HIVEP3: variants seen among roughly 807,000 people sequenced by gnomAD.
HIVEP3 encodes HIVEP zinc finger 3.
HIVEP3 carries 49 observed loss-of-function variants against 152.8 expected under a neutral mutation model. The ratio of observed to expected loss-of-function variants is 0.32; its 90% CI spans 0.26 to 0.41. The LOEUF (loss-of-function observed/expected upper bound fraction) is 0.41. HIVEP3 is among the 10% of genes least tolerant of loss of function. HIVEP3 has a pLI of 1.00. For synonymous variants in HIVEP3, 1,269 were observed against 1,289.0 expected, an observed-to-expected ratio of 0.98 and a Z score of 0.33; for missense variants, 2,790 against 3,103.3, an observed-to-expected ratio of 0.90 and a Z score of 2.40.
intron 1 of HIVEP3, among the ~76,000 whole-genome samples, chr1:41,924,472 G>A (rs1241413340): frequency 6.6e-6 from 1 of 152,066 alleles, no homozygotes; most frequent in Non-Finnish European, 1.5e-5. Context: ...TATGTACCTG[G>A]TGCTGCTAAA....
At chr1:41,793,564 C>A (rs1403351586) in intron 1 of HIVEP3, among the ~76,000 whole-genome samples, 20 of 152,128 alleles carry the variant, frequency 1.3e-4, no homozygotes. Context: ...TTCATTAATT[C>A]ATTCACAAAA....
chr1:41,898,369 C>T (rs1205491885), intron 1 of HIVEP3, among the ~76,000 whole-genome samples: 1 of 152,210 alleles, frequency 6.6e-6, no homozygotes, highest in Non-Finnish European at 1.5e-5. Flanking sequence ...AATCCAGTCT[C>T]AGAAGAACTG....
Position 41,513,757 on chromosome 1 carries a change from G to A in HIVEP3, c.5471-7C>T, listed in dbSNP as rs771586004. On this transcript the variant is annotated splice_polypyrimidine_tract_variant and splice_region_variant and intron_variant, in intron 7 of 8. Coordinates refer to ENST00000372583, the MANE Select transcript of HIVEP3 (RefSeq NM_024503.5). ...AACAGGTCGTCACTGGTTCCTGAGG[G>A]CAAACACAGAAGACCCAAGGTCACA... 13 of 1,543,680 alleles carry A rather than the reference G, an allele frequency of 8.4e-6. No individual in the cohort carries two copies.
chr1:41,523,814 G>C (rs950578199), intron 6 of HIVEP3, among the ~76,000 whole-genome samples: 2 of 152,202 alleles, frequency 1.3e-5, no homozygotes, highest in African/African-American at 4.8e-5. Flanking sequence ...ACAGGACCCT[G>C]ATGTCCAAAC....
chr1:41,847,563 C>T (rs75219864), intron 1 of HIVEP3: 1 of 152,290 alleles, frequency 6.6e-6, no homozygotes, highest in Non-Finnish European at 1.5e-5. Context: ...GTTTTTGTAA[C>T]AAGCATGTGC....
chr1:41,619,869 G>T (rs1467111469), intron 3 of HIVEP3, among the ~76,000 whole-genome samples: 2 of 152,176 alleles, frequency 1.3e-5, no homozygotes, highest in Non-Finnish European at 2.9e-5. Flanking sequence ...GCCCCAGAGA[G>T]GCTGCTCAGA....
intron 1 of HIVEP3, among the ~76,000 whole-genome samples, chr1:41,943,705 A>C (rs1645059391): frequency 6.6e-6 from 1 of 152,266 alleles, no homozygotes; most frequent in South Asian, 2.1e-4. Flanking sequence ...AGTTATTACC[A>C]GAACATAAAT....
At chr1:41,846,453 C>T (rs939377323) in intron 1 of HIVEP3, among the ~76,000 whole-genome samples, 25 of 152,176 alleles carry the variant, frequency 1.6e-4, no homozygotes, top group Non-Finnish European at 3.2e-4. Context: ...AAGATGGTGC[C>T]AGGTCACCAG....
At chr1:41,694,358 G>A (rs1646241113) in intron 2 of HIVEP3, among the ~76,000 whole-genome samples, 1 of 152,090 alleles carries the variant, frequency 6.6e-6, no homozygotes, top group Admixed American at 6.5e-5. Context: ...TGCTTAGACA[G>A]TGAGCTCCTT....
intron 1 of HIVEP3, among the ~76,000 whole-genome samples, chr1:41,943,475 G>A (rs1002619069): frequency 2.6e-5 from 4 of 152,170 alleles, no homozygotes; most frequent in African/African-American, 9.7e-5. Flanking sequence ...TACCTACCTT[G>A]ACTCCAAATT....
At chr1:42,012,666 G>T (rs571265167) in intron 1 of HIVEP3, among the ~76,000 whole-genome samples, 2 of 150,652 alleles carry the variant, frequency 1.3e-5, no homozygotes. Flanking sequence ...CTCCAGCCTG[G>T]GAGACAGGGC....
intron 1 of HIVEP3, among the ~76,000 whole-genome samples, chr1:42,030,170 G>A (rs189651502): frequency 1.3e-5 from 2 of 152,308 alleles, no homozygotes; most frequent in Admixed American, 1.3e-4. Context: ...GAGCAAGTTT[G>A]TCCAACCTAG....
chr1:41,824,067 T>A (rs588203), intron 1 of HIVEP3, among the ~76,000 whole-genome samples: 56,292 of 152,002 alleles, frequency 0.37, 11,575 homozygotes, highest in East Asian at 0.8. Flanking sequence ...TTTCAAGCAC[T>A]TTCATACTAA....
intron 5 of HIVEP3, among the ~76,000 whole-genome samples, chr1:41,569,835 T>C (rs946578450): frequency 5.9e-5 from 9 of 152,156 alleles, no homozygotes; most frequent in Admixed American, 2.6e-4. Flanking sequence ...AATTCAGCTA[T>C]AGAAATAGAT....
chr1:41,763,500 C>T (rs1343264693), intron 1 of HIVEP3, among the ~76,000 whole-genome samples: 2 of 152,236 alleles, frequency 1.3e-5, no homozygotes, highest in Non-Finnish European at 1.5e-5. Flanking sequence ...GCCCTGACTT[C>T]ATGTCCCCTA....
At chr1:41,843,525 A>T (rs1643348979) in intron 1 of HIVEP3, among the ~76,000 whole-genome samples, 1 of 152,140 alleles carries the variant, frequency 6.6e-6, no homozygotes, top group African/African-American at 2.4e-5. Context: ...CAATTCCAGA[A>T]GCCACTCTTC....
At chr1:41,652,041 C>G (rs910366886) in intron 2 of HIVEP3, among the ~76,000 whole-genome samples, 4 of 152,178 alleles carry the variant, frequency 2.6e-5, no homozygotes, top group Non-Finnish European at 5.9e-5. Context: ...GGGTTCCTGA[C>G]AAACTTCACA....
chr1:41,986,806 T>C (rs1645326564), intron 1 of HIVEP3, among the ~76,000 whole-genome samples: 1 of 152,246 alleles, frequency 6.6e-6, no homozygotes, highest in South Asian at 2.1e-4. Flanking sequence ...ATTAAGATAC[T>C]GTCCTTCCAG....
intron 1 of HIVEP3, among the ~76,000 whole-genome samples, chr1:41,997,542 A>G (rs1557555343): frequency 6.6e-6 from 1 of 152,228 alleles, no homozygotes; most frequent in Non-Finnish European, 1.5e-5. Context: ...ATCTTACTTT[A>G]TATTTATTCC....
Sources: gnomAD v4.1 joint callset for allele counts (sites outside exome capture counted in the v4.1 genomes callset) on GRCh38, gnomAD v4.1.1 for gene constraint, MANE v1.5 for transcripts, NCBI Gene and HGNC (gene_info 2026-07-23, HGNC 2026-07-21) for gene names.